TANC2: variants seen among roughly 807,000 people sequenced by gnomAD.
The protein encoded by TANC2 is tetratricopeptide repeat, ankyrin repeat and coiled-coil containing 2, also known as protein TANC2.
In TANC2, 26 loss-of-function variants were observed where a neutral mutation model predicts 210.5. The observed-to-expected ratio is 0.12, with a 90% confidence interval of 0.09 to 0.17. TANC2 has a LOEUF of 0.17. Ranked by LOEUF, TANC2 falls within the 10% of genes least tolerant of loss-of-function variation. TANC2 has a pLI of 1.00. For missense variants in TANC2, 2,129 were observed against 2,608.9 expected, an observed-to-expected ratio of 0.82 and a Z score of 4.01; for synonymous variants, 931 against 967.1, an observed-to-expected ratio of 0.96 and a Z score of 0.69.
chr17:63,133,511 T>C (rs1262977660), intron 4 of TANC2, among the ~76,000 whole-genome samples: 1 of 152,240 alleles, frequency 6.6e-6, no homozygotes, highest in African/African-American at 2.4e-5. Flanking sequence ...ATAATTCTTT[T>C]TGTTTTCTTT....
intron 4 of TANC2, among the ~76,000 whole-genome samples, chr17:63,138,982 CG>C (rs1325383961): frequency 6.6e-6 from 1 of 152,122 alleles, no homozygotes; most frequent in Non-Finnish European, 1.5e-5. Flanking sequence ...CTATGCCATC[CG>C]TGGAATTGAA....
chr17:63,400,902 C>T (rs1343726504), intron 19 of TANC2, among the ~76,000 whole-genome samples: 2 of 152,046 alleles, frequency 1.3e-5, no homozygotes, highest in African/African-American at 2.4e-5. Context: ...ATCTCCCCAC[C>T]TCAGCCTCCC....
At chr17:63,304,491 C>T (rs760652574) in intron 9 of TANC2, among the ~76,000 whole-genome samples, 4 of 152,150 alleles carry the variant, frequency 2.6e-5, no homozygotes, top group Admixed American at 6.5e-5. Flanking sequence ...GGGGCACTGA[C>T]CTGATGCCAG....
chr17:63,369,968 A>G (rs2047217542), intron 14 of TANC2, among the ~76,000 whole-genome samples: 1 of 151,966 alleles, frequency 6.6e-6, no homozygotes, highest in South Asian at 2.1e-4. Flanking sequence ...AGCGCTTTTG[A>G]GTATCACCAA....
chr17:63,407,740 G>A (rs2048559136), intron 21 of TANC2, among the ~76,000 whole-genome samples: 1 of 152,142 alleles, frequency 6.6e-6, no homozygotes, highest in Non-Finnish European at 1.5e-5. Context: ...AAAGATAAAT[G>A]CCTTAAAAAG....
intron 26 of TANC2, among the ~76,000 whole-genome samples, chr17:63,417,216 T>C (rs1177681617): frequency 6.6e-6 from 1 of 152,138 alleles, no homozygotes; most frequent in African/African-American, 2.4e-5. Context: ...GGATTTCCCA[T>C]CAACTTTTAA....
chr17:62,975,912 C>T (rs987589991), intron 1 of TANC2, among the ~76,000 whole-genome samples: 2 of 151,918 alleles, frequency 1.3e-5, no homozygotes. Context: ...TGATATATGC[C>T]AGCTCCTCCC....
intron 7 of TANC2, among the ~76,000 whole-genome samples, chr17:63,205,616 G>A (rs71375888): frequency 0.084 from 12,788 of 152,078 alleles, 691 homozygotes; most frequent in Middle Eastern, 0.13. Context: ...TATCAAGAGA[G>A]CAAAAAGGCC....
chr17:63,365,938 G>A lies in TANC2; in HGVS notation c.2582+10548G>A, dbSNP rs573428007. 1.3e-4 allele frequency among the ~76,000 whole-genome samples: 20 copies of A among 151,964 alleles called. No individual in the cohort carries two copies. In the East Asian group the frequency reaches 1.9e-3, roughly 15 times the overall value. ...TATTATTAATTGTAGGTGAATACTC[G>A]TTTTTGTCCACTTTTCTGTCTAAAA... is the stretch of plus-strand genomic sequence containing the variant. On this transcript the variant is annotated intron_variant, in intron 14 of 27. Transcript: ENST00000689528.
At chr17:63,138,695 C>T (rs2039180025) in intron 4 of TANC2, among the ~76,000 whole-genome samples, 1 of 152,056 alleles carries the variant, frequency 6.6e-6, no homozygotes, top group South Asian at 2.1e-4. Flanking sequence ...TCTTTCTGTG[C>T]CAGGTTTGGT....
intron 9 of TANC2, among the ~76,000 whole-genome samples, chr17:63,270,040 T>C (rs549665144): frequency 7.9e-5 from 12 of 152,300 alleles, no homozygotes; most frequent in South Asian, 4.1e-4. Flanking sequence ...TCTTTATTTT[T>C]CAAGAGCTTT....
chr17:63,347,855 G>T (rs1260561631), intron 12 of TANC2, among the ~76,000 whole-genome samples: 1 of 152,156 alleles, frequency 6.6e-6, no homozygotes, highest in Non-Finnish European at 1.5e-5. Context: ...GCTCACTGCA[G>T]CCTTGACCTC....
intron 9 of TANC2, among the ~76,000 whole-genome samples, chr17:63,282,784 T>C (rs562481310): frequency 7.9e-5 from 12 of 152,202 alleles, no homozygotes; most frequent in African/African-American, 2.9e-4. Context: ...GTAACTGATA[T>C]TGAAAATCTT....
At chr17:62,993,163 C>T (rs901434079) in intron 1 of TANC2, among the ~76,000 whole-genome samples, 4 of 152,160 alleles carry the variant, frequency 2.6e-5, no homozygotes, top group African/African-American at 9.7e-5. Flanking sequence ...ATTTTAAGGT[C>T]CTCAACTTAA....
chr17:63,077,112 A>G (rs141287041), intron 3 of TANC2, among the ~76,000 whole-genome samples: 2 of 152,250 alleles, frequency 1.3e-5, no homozygotes, highest in Non-Finnish European at 2.9e-5. Flanking sequence ...ATTTGAAATC[A>G]CTGGAGCCAA....
intron 9 of TANC2, among the ~76,000 whole-genome samples, chr17:63,286,343 T>C (rs1432226312): frequency 6.6e-6 from 1 of 152,206 alleles, no homozygotes; most frequent in Non-Finnish European, 1.5e-5. Context: ...TATTTTAATA[T>C]GATTTTTGAA....
In TANC2 at chr17:63,355,404, C is replaced by A; in HGVS notation, c.2582+14C>A. The A allele has an allele frequency of 6.5e-7, 1 of 1,533,526 alleles. No individual in the cohort carries two copies. Among genetic ancestry groups the A allele is most frequent in the South Asian group, 1.3e-5 (1 of 77,952 alleles). 95.0% of individuals were successfully genotyped at this position (1,533,526 alleles called of 1,614,324 possible). A position where few individuals can be genotyped will look rare whatever the true frequency, so the allele number is the denominator to read the frequency against. The stretch of plus-strand genomic sequence containing the variant: ...CTGTGATCCGAGGTAAGACATATAT[C>A]TGTGATAAACAATTCTGAGTCTGTT... On this transcript the variant is annotated intron_variant, in intron 14 of 27. Transcript: ENST00000689528.
At chr17:62,973,268 A>G (rs2031813126) in intron 1 of TANC2, among the ~76,000 whole-genome samples, 1 of 152,044 alleles carries the variant, frequency 6.6e-6, no homozygotes, top group African/African-American at 2.4e-5. Flanking sequence ...CTGACCTCGA[A>G]TGATCGGCCC....
intron 1 of TANC2, among the ~76,000 whole-genome samples, chr17:63,002,020 A>G (rs2143727065): frequency 6.6e-6 from 1 of 152,332 alleles, no homozygotes; most frequent in Non-Finnish European, 1.5e-5. Flanking sequence ...CCTGGAGCTT[A>G]TATTCTAGTA....
Sources: gnomAD v4.1 joint callset for allele counts (sites outside exome capture counted in the v4.1 genomes callset) on GRCh38, gnomAD v4.1.1 for gene constraint, MANE v1.5 for transcripts, NCBI Gene and HGNC (gene_info 2026-07-23, HGNC 2026-07-21) for gene names.